Variants in FCSK observed in about 807,000 individuals in gnomAD.
FCSK encodes L-fucose kinase.
In FCSK, 123 loss-of-function variants were observed where a neutral mutation model predicts 122.5. That is an observed-to-expected ratio of 1.00 (90% confidence interval 0.87 to 1.17). FCSK has a LOEUF of 1.17. FCSK is among the 50% of genes most tolerant of loss of function. The pLI is 0.00. For synonymous variants in FCSK, 620 were observed against 625.5 expected (o/e 0.99, Z 0.13); for missense variants, 1,366 against 1,450.4 (o/e 0.94, Z 0.95).
intron 1 of FCSK, among the ~76,000 whole-genome samples, chr16:70,461,168 C>G (rs1318723660): frequency 3.3e-5 from 5 of 152,206 alleles, no homozygotes; most frequent in Admixed American, 6.5e-5. Flanking sequence ...ACTGGAATAG[C>G]CTGTGGCTGA....
At chr16:70,456,873 A>T (rs1410668708) in intron 1 of FCSK, among the ~76,000 whole-genome samples, 1 of 151,972 alleles carries the variant, frequency 6.6e-6, no homozygotes, top group Non-Finnish European at 1.5e-5. Context: ...ACAAAAAATT[A>T]TCCAGGCATG....
chr16:70,473,983 G>A lies in FCSK; in HGVS notation c.1778-146G>A. 1 of 722,192 alleles carries A rather than the reference G, an allele frequency of 1.4e-6. No individual in the cohort carries two copies. Among genetic ancestry groups the A allele is most frequent in the East Asian group, 2.7e-5 (1 of 37,114 alleles). The allele number at this position is 722,192 out of a possible 1,614,324, so 44.7% of individuals were successfully genotyped here. On this transcript the variant is annotated intron_variant, in intron 15 of 23. Coordinates refer to ENST00000288078, the MANE Select transcript of FCSK (RefSeq NM_145059.3). This position sits in a 1 kb window ranked among gnomAD's most constrained non-coding sequence, Gnocchi z 4.9. The stretch of plus-strand genomic sequence containing the variant: ...TCTCTGCCAGGCAGAGAGCAGGAGT[G>A]CAGTTACAGTCAAAGATACATTGTG...
At position 70,479,758 on chromosome 16, in the gene FCSK, C is replaced by T. The variant is rs1204810608; in HGVS notation, c.*78C>T. 1.3e-5 allele frequency: 14 copies of T among 1,063,554 alleles called. No individual in the cohort carries two copies. The highest frequency in any genetic ancestry group is 2.0e-5 in the Non-Finnish European group (14 of 717,496). The allele number at this position is 1,063,554 out of a possible 1,614,324, so 65.9% of individuals were successfully genotyped here. A position where few individuals can be genotyped will look rare whatever the true frequency, so the allele number is the denominator to read the frequency against. On this transcript the variant is annotated 3_prime_UTR_variant, in exon 24 of 24. Coordinates refer to ENST00000288078, the MANE Select transcript of FCSK (RefSeq NM_145059.3). ...CTTCCTTGCCCCATGGGAACCTCCA[C>T]CTCCTACTCCCCACCCACCTCTGCG...
At position 70,479,744 on chromosome 16, in the gene FCSK, C is replaced by A; in HGVS notation, c.*64C>A. On this transcript the variant is annotated 3_prime_UTR_variant, in exon 24 of 24. Transcript: ENST00000288078. The stretch of plus-strand genomic sequence containing the variant: ...ACAGTGTCCCCCACCTTCCTTGCCC[C>A]ATGGGAACCTCCACCTCCTACTCCC... 7.6e-7 allele frequency: 1 copy of A among 1,320,812 alleles called. No individual in the cohort carries two copies. Among genetic ancestry groups the A allele is most frequent in the Non-Finnish European group, 1.1e-6 (1 of 935,832 alleles). The allele number at this position is 1,320,812 out of a possible 1,614,324, so 81.8% of individuals were successfully genotyped here.
At chr16:70,466,609 A>T in intron 5 of FCSK, 1 of 521,018 alleles carries the variant, frequency 1.9e-6, no homozygotes, top group Non-Finnish European at 3.4e-6. Flanking sequence ...AGGCAGGAAG[A>T]TCGCTTGAGC....
At position 70,474,352 on chromosome 16, in the gene FCSK, G is replaced by A; in HGVS notation, c.1988+13G>A. The A allele has an allele frequency of 1.2e-6, 2 of 1,611,592 alleles. No individual in the cohort carries two copies. Among genetic ancestry groups the A allele is most frequent in the South Asian group, 2.2e-5 (2 of 90,612 alleles). On this transcript the variant is annotated intron_variant, in intron 16 of 23. Transcript: ENST00000288078. ...AGTGGCTAAGCAGGTGTGTACTAAT[G>A]GAGGTCAGATCCCTTGGATAAGCCC... is the stretch of plus-strand genomic sequence containing the variant.
At chr16:70,466,327 G>C (rs2048419036) in intron 5 of FCSK, 70 bp downstream of exon 5, 2 of 1,584,980 alleles carry the variant, frequency 1.3e-6, no homozygotes, top group Non-Finnish European at 1.7e-6. Flanking sequence ...GTTCCCCCAG[G>C]TATGATCTAT....
In FCSK at chr16:70,468,950, C is replaced by T. The variant is rs374742425; in HGVS notation, c.765C>T (p.Ser255=). 53 of 1,613,536 alleles carry T rather than the reference C, an allele frequency of 3.3e-5. No homozygotes were observed. The highest frequency in any genetic ancestry group is 2.8e-4 in the African/African-American group (21 of 75,046). The change falls in exon 9 of 24, where the codon TCC becomes TCT. Residue 255 remains serine, a synonymous_variant. Transcript: ENST00000288078. The part of the protein sequence containing the change: ...LDACTYLGLD[S]GARPVQLSLF... ...CCTGCACCTACCTAGGCTTGGACTC[C>T]GGAGCCCGGCCTGTCCAGGTGACTG...
rs1207852586 is a variant in FCSK at position 70,475,464 on chromosome 16, G to T, written c.2492G>T (p.Trp831Leu). The T allele has an allele frequency of 6.2e-7, 1 of 1,605,504 alleles. No homozygotes were observed. ...GGGGGCGGCTTTGAGCTGCACACCT[G>T]GTCTGAGCTGCCCCACGGCTCTGGC... ...TFGGGFELHT[W>L]SELPHGSGLG... The change falls in exon 19 of 24, where the codon TGG becomes TTG. Residue 831 changes from tryptophan (W) to leucine (L), a missense_variant. Physicochemically the swap from Trp to Leu is moderately conservative, Grantham distance 61 (BLOSUM62 -2). Transcript: ENST00000288078.
chr16:70,474,092 C>T, intron 15 of FCSK, 37 bp from the exon 16 acceptor site: 1 of 1,533,960 alleles, frequency 6.5e-7, no homozygotes, highest in Non-Finnish European at 8.8e-7. Context: ...TGAAGACAGG[C>T]CTCCTCCCCT....
At chr16:70,470,571 C>T in intron 11 of FCSK, 145 bp downstream of exon 11, 6 of 625,528 alleles carry the variant, frequency 9.6e-6, no homozygotes, top group South Asian at 7.5e-5. Flanking sequence ...GCTGGAGGCT[C>T]AGAGAGGCTA....
intron 19 of FCSK, 71 bp from the exon 20 acceptor site, chr16:70,475,571 CTGCCCT>C (rs1173675655): frequency 1.0e-5 from 16 of 1,584,866 alleles, no homozygotes; most frequent in Non-Finnish European, 1.3e-5. Flanking sequence ...TTCCTGGCCT[CTGCCCT>C]TAGACGGAGT....
In FCSK at chr16:70,463,238, C is replaced by A; in HGVS notation, c.48C>A (p.Cys16Ter). 1 of 1,614,002 alleles carries A rather than the reference C, an allele frequency of 6.2e-7. No homozygotes were observed. Among genetic ancestry groups the A allele is most frequent in the Non-Finnish European group, 8.5e-7 (1 of 1,179,946 alleles). Reference sequence around the variant, plus strand: ...ATTGGACAGTCATCATCCTGACCTGCCAGTACAAGGACAGTGTCCAGGTCT... The same window carrying A: ...ATTGGACAGTCATCATCCTGACCTGACAGTACAAGGACAGTGTCCAGGTCT... ...GVDWTVIILT[C>*]QYKDSVQVFQ... The change falls in exon 2 of 24, where the codon TGC becomes TGA. Residue 16 changes from cysteine (C) to a stop codon, truncating the protein, a stop_gained. Coordinates refer to ENST00000288078, the MANE Select transcript of FCSK (RefSeq NM_145059.3). LOFTEE classifies it high-confidence loss of function.
chr16:70,455,602 A>G (rs1234686348), intron 1 of FCSK, among the ~76,000 whole-genome samples: 3 of 151,928 alleles, frequency 2.0e-5, no homozygotes, highest in African/African-American at 7.3e-5. Context: ...AATTAAAAAA[A>G]AAAAAAAGGC....
rs927621570 is a variant in FCSK at position 70,479,739 on chromosome 16, T to C, written c.*59T>C. The C allele has an allele frequency of 6.5e-6, 9 of 1,391,218 alleles. No homozygotes were observed. Among genetic ancestry groups the C allele is most frequent in the Non-Finnish European group, 9.0e-6 (9 of 995,220 alleles). 86.2% of individuals were successfully genotyped at this position (1,391,218 alleles called of 1,614,324 possible). A position where few individuals can be genotyped will look rare whatever the true frequency, so the allele number is the denominator to read the frequency against. ...GAGCTACAGTGTCCCCCACCTTCCT[T>C]GCCCCATGGGAACCTCCACCTCCTA... is the stretch of plus-strand genomic sequence containing the variant. On this transcript the variant is annotated 3_prime_UTR_variant, in exon 24 of 24. Coordinates refer to ENST00000288078, the MANE Select transcript of FCSK (RefSeq NM_145059.3).
In FCSK at chr16:70,473,202, G is replaced by T. The variant is rs756913454; in HGVS notation, c.1626G>T (p.Thr542=). ...QLQPCLDRAA[T]LASRRDLFFR... ...AGCCGTGCCTGGATCGGGCTGCCACGCTGGCCTCTCGCCGGGACCTGTTCT... is the reference window on the plus strand; with the variant it reads ...AGCCGTGCCTGGATCGGGCTGCCACTCTGGCCTCTCGCCGGGACCTGTTCT... The change falls in exon 15 of 24, where the codon ACG becomes ACT. Residue 542 remains threonine (T), a synonymous_variant. Transcript: ENST00000288078. This position sits in a 1 kb window ranked among gnomAD's most constrained non-coding sequence, Gnocchi z 4.9. 7.8e-6 allele frequency: 12 copies of T among 1,537,670 alleles called. No individual in the cohort carries two copies. The African/African-American group carries it at 1.4e-4, about 18-fold the overall frequency.
chr16:70,469,115 G>A (rs2048525646), intron 9 of FCSK, 37 bp from the exon 10 acceptor site: 1 of 1,612,862 alleles, frequency 6.2e-7, no homozygotes, highest in East Asian at 2.2e-5. Flanking sequence ...CTGAACCCCT[G>A]CCATGCCAAT....
At chr16:70,468,507 T>G (rs2048498097) in intron 8 of FCSK, among the ~76,000 whole-genome samples, 1 of 152,064 alleles carries the variant, frequency 6.6e-6, no homozygotes, top group South Asian at 2.1e-4. Flanking sequence ...GTGAGCAAGT[T>G]AGGGAGTGCG....
Position 70,470,429 on chromosome 16 carries a change from G to T in FCSK, c.1068+3G>T. On this transcript the variant is annotated splice_donor_region_variant and intron_variant, in intron 11 of 23. Transcript: ENST00000288078. ...AGATTGTGCACTCCCAGGTGGAGGT[G>T]AGACCTCCCTGCCCCTCCGGTGCCT... 1 of 1,570,460 alleles carries T rather than the reference G, an allele frequency of 6.4e-7. No homozygotes were observed.
Sources: gnomAD v4.1 joint callset for allele counts (sites outside exome capture counted in the v4.1 genomes callset) on GRCh38, gnomAD v4.1.1 for gene constraint, Gnocchi (gnomAD v3.1) non-coding constraint, MANE v1.5 for transcripts, NCBI Gene and HGNC (gene_info 2026-07-23, HGNC 2026-07-21) for gene names.